The following FBXL17 variants were observed in gnomAD, a reference collection of about 807,000 sequenced individuals.
The protein encoded by FBXL17 is F-box/LRR-repeat protein 17.
A neutral mutation model predicts 66.2 loss-of-function variants in FBXL17; 22 were observed. The observed-to-expected ratio is 0.33, with a 90% CI of 0.24 to 0.47. The LOEUF (loss-of-function observed/expected upper bound fraction) is 0.47, where lower values mean the gene tolerates loss of function less well. FBXL17 is among the 20% of genes least tolerant of loss of function. The pLI is 1.00. For synonymous variants in FBXL17, 474 were observed against 400.5 expected (o/e 1.18, Z -2.19); for missense variants, 878 against 948.2 (o/e 0.93, Z 0.97).
chr5:108,254,313 T>C (rs970735424), intron 4 of FBXL17, among the ~76,000 whole-genome samples: 3 of 152,218 alleles, frequency 2.0e-5, no homozygotes, highest in Non-Finnish European at 4.4e-5. Flanking sequence ...TTGAACTGTA[T>C]AAATCATATA....
chr5:108,238,951 AT>A (rs1755730690), intron 4 of FBXL17, among the ~76,000 whole-genome samples: 2 of 152,190 alleles, frequency 1.3e-5, no homozygotes, highest in South Asian at 4.1e-4. Flanking sequence ...GACTGATATC[AT>A]TTCAGTAGAG....
At chr5:108,009,528 C>T (rs2112736139) in intron 7 of FBXL17, among the ~76,000 whole-genome samples, 1 of 151,434 alleles carries the variant, frequency 6.6e-6, no homozygotes, top group East Asian at 2.0e-4. Flanking sequence ...GCTGGATCAG[C>T]CATGTCGACT....
intron 6 of FBXL17, among the ~76,000 whole-genome samples, chr5:108,100,069 T>G (rs917596795): frequency 6.6e-6 from 1 of 152,180 alleles, no homozygotes; most frequent in Admixed American, 6.5e-5. Context: ...ACCTAAGCAT[T>G]TCAGGTATCA....
At chr5:108,138,451 T>C (rs158417) in intron 6 of FBXL17, among the ~76,000 whole-genome samples, 3,150 of 152,074 alleles carry the variant, frequency 0.021, 117 homozygotes, top group African/African-American at 0.071. Flanking sequence ...CATACGTTTT[T>C]TTCTTTCCTA....
intron 4 of FBXL17, among the ~76,000 whole-genome samples, chr5:108,234,319 G>A (rs948385967): frequency 6.6e-6 from 1 of 152,116 alleles, no homozygotes; most frequent in Non-Finnish European, 1.5e-5. Flanking sequence ...CTTAACGTGT[G>A]CCCAGCTAAG....
intron 5 of FBXL17, among the ~76,000 whole-genome samples, chr5:108,191,547 CTG>C (rs1341314848): frequency 6.6e-6 from 1 of 152,108 alleles, no homozygotes; most frequent in Non-Finnish European, 1.5e-5. Flanking sequence ...GGAAAGATAA[CTG>C]AGTGTCAACA....
intron 6 of FBXL17, among the ~76,000 whole-genome samples, chr5:108,024,700 C>G (rs903893793): frequency 2.0e-5 from 3 of 152,072 alleles, no homozygotes; most frequent in African/African-American, 7.2e-5. Context: ...AAAACCTGCT[C>G]CAAAGTATCC....
intron 3 of FBXL17, among the ~76,000 whole-genome samples, chr5:108,355,423 C>T (rs1207041733): frequency 6.6e-6 from 1 of 151,914 alleles, no homozygotes; most frequent in Non-Finnish European, 1.5e-5. Flanking sequence ...GCTGGAATTA[C>T]AGCCGTGCGC....
intron 6 of FBXL17, among the ~76,000 whole-genome samples, chr5:108,158,815 T>C (rs143521679): frequency 0.011 from 1,683 of 152,244 alleles, 43 homozygotes; most frequent in African/African-American, 0.038. Flanking sequence ...TTTAAGGTAA[T>C]CAACCATGAA....
chr5:108,069,772 C>G (rs374775754), intron 6 of FBXL17, among the ~76,000 whole-genome samples: 3 of 152,200 alleles, frequency 2.0e-5, no homozygotes, highest in Non-Finnish European at 4.4e-5. Flanking sequence ...GAGCTGACAA[C>G]TCCTTACATA....
chr5:108,334,573 C>T (rs972920474), intron 4 of FBXL17, among the ~76,000 whole-genome samples: 1 of 152,158 alleles, frequency 6.6e-6, no homozygotes, highest in Non-Finnish European at 1.5e-5. Flanking sequence ...GGTTAGGGTA[C>T]CAATGACAGC....
intron 6 of FBXL17, among the ~76,000 whole-genome samples, chr5:108,126,663 A>G (rs968048667): frequency 1.1e-5 from 1 of 94,784 alleles, no homozygotes; most frequent in African/African-American, 3.7e-5. Context: ...ATATATATAT[A>G]CATATATATA....
chr5:107,861,372 T>G lies in FBXL17; in HGVS notation c.*348A>C, dbSNP rs1006713121. On this transcript the variant is annotated 3_prime_UTR_variant, in exon 9 of 9. Transcript: ENST00000542267. ...CCATGTAAAAAGAAGGCCTTCTTAC[T>G]TGGACATCTCCAAGTGGCAGCAATT... is the stretch of plus-strand genomic sequence containing the variant. 3 of 158,032 alleles carry G rather than the reference T, an allele frequency of 1.9e-5. No individual in the cohort carries two copies. The highest frequency in any genetic ancestry group is 7.2e-5 in the African/African-American group (3 of 41,750). 9.8% of individuals were successfully genotyped at this position (158,032 alleles called of 1,614,324 possible).
chr5:108,307,190 G>C (rs1758885006), intron 4 of FBXL17, among the ~76,000 whole-genome samples: 1 of 152,016 alleles, frequency 6.6e-6, no homozygotes, highest in Non-Finnish European at 1.5e-5. Flanking sequence ...TTCTCCTTAA[G>C]AAGACATTTT....
chr5:108,032,261 C>A (rs1746670594), intron 6 of FBXL17, among the ~76,000 whole-genome samples: 1 of 151,780 alleles, frequency 6.6e-6, no homozygotes, highest in African/African-American at 2.4e-5. Context: ...AGCAAAAATA[C>A]AAATGTAAAG....
intron 7 of FBXL17, among the ~76,000 whole-genome samples, chr5:107,886,856 A>G (rs1019946789): frequency 1.3e-5 from 2 of 152,078 alleles, no homozygotes; most frequent in African/African-American, 4.8e-5. Flanking sequence ...ATCCAAAGTG[A>G]AAAACATTCT....
At chr5:108,232,221 A>G (rs921894613) in intron 4 of FBXL17, among the ~76,000 whole-genome samples, 2 of 152,196 alleles carry the variant, frequency 1.3e-5, no homozygotes, top group Non-Finnish European at 2.9e-5. Flanking sequence ...TTGACTTTAC[A>G]TAAGCATTTA....
intron 7 of FBXL17, among the ~76,000 whole-genome samples, chr5:107,906,164 G>C (rs1749751486): frequency 6.6e-6 from 1 of 151,568 alleles, no homozygotes; most frequent in African/African-American, 2.4e-5. Context: ...CAGCCAAGTA[G>C]TCAGAATAAT....
intron 5 of FBXL17, among the ~76,000 whole-genome samples, chr5:108,199,257 T>A (rs927875516): frequency 1.3e-5 from 2 of 152,148 alleles, no homozygotes; most frequent in South Asian, 2.1e-4. Flanking sequence ...CAGGATAACA[T>A]GAATTGTCTT....
Sources: allele counts gnomAD v4.1 joint callset (sites outside exome capture counted in the v4.1 genomes callset), GRCh38; gene constraint gnomAD v4.1.1; transcripts MANE v1.5; gene names NCBI Gene and HGNC (gene_info 2026-07-23, HGNC 2026-07-21).